Variants in PCSK5 observed in about 807,000 individuals in gnomAD.
PCSK5 encodes prohormone convertase 5.
PCSK5 carries 129 observed loss-of-function variants against 233.2 expected under a neutral mutation model. The ratio of observed to expected loss-of-function variants is 0.55; its 90% CI spans 0.48 to 0.64. The LOEUF (loss-of-function observed/expected upper bound fraction) is 0.64. Ranked by LOEUF, PCSK5 falls within the 30% of genes least tolerant of loss-of-function variation. The pLI is 0.00. For synonymous variants in PCSK5, 825 were observed against 879.2 expected (o/e 0.94, Z 1.09); for missense variants, 2,076 against 2,430.1 (o/e 0.85, Z 3.06).
intron 3 of PCSK5, among the ~76,000 whole-genome samples, chr9:76,013,704 A>G (rs1827827737): frequency 1.3e-5 from 2 of 152,222 alleles, no homozygotes; most frequent in South Asian, 4.1e-4. Context: ...AAGATATTGT[A>G]TCAATATAAC....
intron 9 of PCSK5, among the ~76,000 whole-genome samples, chr9:76,128,209 A>G (rs1264842287): frequency 6.6e-6 from 1 of 152,184 alleles, no homozygotes; most frequent in Non-Finnish European, 1.5e-5. Flanking sequence ...GAACACTCAC[A>G]CTGTCACATT....
At chr9:76,265,476 T>C (rs553046703) in intron 24 of PCSK5, among the ~76,000 whole-genome samples, 70 of 152,256 alleles carry the variant, frequency 4.6e-4, no homozygotes, top group African/African-American at 1.4e-3. Context: ...CAAGAAATTG[T>C]TCTAGATTAG....
intron 7 of PCSK5, among the ~76,000 whole-genome samples, chr9:76,079,790 T>G (rs1830769789): frequency 6.6e-6 from 1 of 152,212 alleles, no homozygotes; most frequent in South Asian, 2.1e-4. Context: ...AGTGCCTTGT[T>G]GGCTGTGAGT....
chr9:76,233,708 G>A, intron 22 of PCSK5, 112 bp downstream of exon 22: 1 of 961,374 alleles, frequency 1.0e-6, no homozygotes. Flanking sequence ...GTTAAGATCA[G>A]ACAGCTGTTC....
rs140538907 is a variant in PCSK5, at chr9:76,323,447, G to A, written c.4339+159G>A. Among the ~76,000 whole-genome samples the A allele has an allele frequency of 2.6e-3, 401 of 152,188 alleles. 2 individuals are homozygous for A. Among genetic ancestry groups the A allele is most frequent in the African/African-American group, 9.0e-3 (374 of 41,514 alleles). ...TGCCCAGGCTCAAGTTCAGTAGCAC[G>A]AACATGGCTCACTGAAGCCTCCGCC... On this transcript the variant is annotated intron_variant, in intron 32 of 37. Transcript: ENST00000674117.
At chr9:76,037,088 C>T (rs1225307316) in intron 5 of PCSK5, among the ~76,000 whole-genome samples, 4 of 152,312 alleles carry the variant, frequency 2.6e-5, no homozygotes, top group Non-Finnish European at 5.9e-5. Flanking sequence ...TTTGACTCCA[C>T]AGTGGTATTC....
chr9:75,893,098 A>C (rs1825679768), intron 1 of PCSK5, among the ~76,000 whole-genome samples: 1 of 122,722 alleles, frequency 8.1e-6, no homozygotes, highest in Non-Finnish European at 1.9e-5. Flanking sequence ...GGAGGCTAGC[A>C]CTGAAAGTAG....
intron 22 of PCSK5, among the ~76,000 whole-genome samples, chr9:76,234,852 T>C (rs988003535): frequency 3.9e-5 from 6 of 152,252 alleles, no homozygotes; most frequent in Non-Finnish European, 8.8e-5. Context: ...CATTTGAGTT[T>C]CTCTTGCTCC....
intron 20 of PCSK5, among the ~76,000 whole-genome samples, chr9:76,216,968 G>A (rs999634416): frequency 2.6e-5 from 4 of 152,080 alleles, no homozygotes; most frequent in Non-Finnish European, 4.4e-5. Flanking sequence ...AGCCTCCCAA[G>A]TAGCTGGGAC....
intron 24 of PCSK5, among the ~76,000 whole-genome samples, chr9:76,256,798 A>G (rs1706876127): frequency 6.6e-6 from 1 of 152,176 alleles, no homozygotes; most frequent in African/African-American, 2.4e-5. Flanking sequence ...TGAGTCAGAA[A>G]TCTTAGTCTC....
At position 75,891,049 on chromosome 9, in the gene PCSK5, C is replaced by A; in HGVS notation, c.-133C>A. ...CCTGCCGGGGCTAGCCGCCTCCTGC[C>A]GATCGCCCGGGGCTGCGAGCTGCGG... On this transcript the variant is annotated 5_prime_UTR_variant, in exon 1 of 38. Transcript: ENST00000674117. The A allele has an allele frequency of 2.6e-6, 2 of 784,268 alleles. No individual in the cohort carries two copies. The highest frequency in any genetic ancestry group is 1.8e-6 in the Non-Finnish European group (1 of 553,560). The allele number at this position is 784,268 out of a possible 1,614,324, so 48.6% of individuals were successfully genotyped here. A position where few individuals can be genotyped will look rare whatever the true frequency, so the allele number is the denominator to read the frequency against.
chr9:76,248,634 C>G (rs928804852), intron 24 of PCSK5, among the ~76,000 whole-genome samples: 2 of 152,168 alleles, frequency 1.3e-5, no homozygotes, highest in African/African-American at 4.8e-5. Flanking sequence ...AGTACTACTA[C>G]AATTAATAGT....
At chr9:76,040,377 C>CTCTCTCTCTG (rs1829058505) in intron 5 of PCSK5, among the ~76,000 whole-genome samples, 6 of 59,830 alleles carry the variant, frequency 1.0e-4, no homozygotes, top group Admixed American at 2.0e-4. Context: ...CTCTCTCTCT[C>CTCTCTCTCTG]TCTCTCTGTC....
intron 20 of PCSK5, among the ~76,000 whole-genome samples, chr9:76,198,158 G>C (rs2131265113): frequency 6.6e-6 from 1 of 152,272 alleles, no homozygotes; most frequent in East Asian, 1.9e-4. Context: ...CTACCTCCAA[G>C]GGACTTACAA....
chr9:75,904,295 T>C (rs1419331351), intron 1 of PCSK5, among the ~76,000 whole-genome samples: 1 of 152,214 alleles, frequency 6.6e-6, no homozygotes, highest in Non-Finnish European at 1.5e-5. Context: ...ATTAATTCTA[T>C]TCATTGTTTT....
At chr9:76,158,827 T>C (rs1248904848) in intron 11 of PCSK5, among the ~76,000 whole-genome samples, 156 bp from the exon 12 acceptor site, 1 of 152,250 alleles carries the variant, frequency 6.6e-6, no homozygotes, top group Non-Finnish European at 1.5e-5. Flanking sequence ...CTGGTAATCC[T>C]TTCAGTGACC....
chr9:76,159,177 G>A lies in PCSK5; in HGVS notation c.1619+6G>A. Reference sequence around the variant, plus strand: ...TCTCAGCTTTTGGCCAACAGGTACAGCAGTGGTCTCTGCCCACCAGTGTAG... The same window carrying A: ...TCTCAGCTTTTGGCCAACAGGTACAACAGTGGTCTCTGCCCACCAGTGTAG... On this transcript the variant is annotated splice_donor_region_variant and intron_variant, in intron 12 of 37. Coordinates refer to ENST00000674117, the MANE Select transcript of PCSK5 (RefSeq NM_001372043.1). 1 of 1,613,656 alleles carries A rather than the reference G, an allele frequency of 6.2e-7. No individual in the cohort carries two copies. The highest frequency in any genetic ancestry group is 8.5e-7 in the Non-Finnish European group (1 of 1,179,672).
At chr9:75,956,229 G>C (rs1186825559) in intron 2 of PCSK5, among the ~76,000 whole-genome samples, 2 of 152,178 alleles carry the variant, frequency 1.3e-5, no homozygotes, top group Non-Finnish European at 2.9e-5. Flanking sequence ...GCAATTCTTA[G>C]CATGAGCACG....
chr9:76,039,813 G>A (rs1035926601), intron 5 of PCSK5, among the ~76,000 whole-genome samples: 7 of 152,118 alleles, frequency 4.6e-5, no homozygotes, highest in Non-Finnish European at 2.9e-5. Context: ...AAAAAACTTT[G>A]GCTGCTTTTG....
Sources: gnomAD v4.1 joint callset for allele counts (sites outside exome capture counted in the v4.1 genomes callset) on GRCh38, gnomAD v4.1.1 for gene constraint, MANE v1.5 for transcripts, NCBI Gene and HGNC (gene_info 2026-07-23, HGNC 2026-07-21) for gene names.